ZNF705G: variants seen among roughly 807,000 people sequenced by gnomAD.
ZNF705G encodes the protein putative zinc finger protein 705G.
ZNF705G carries 23 observed loss-of-function variants against 19.6 expected under a neutral mutation model. The observed-to-expected ratio is 1.17, with a 90% confidence interval of 0.84 to 1.66. ZNF705G has a LOEUF of 1.66. Among genes scored for constraint, ZNF705G ranks in the 40% most tolerant of loss-of-function variants. The pLI, the probability that ZNF705G is intolerant of heterozygous loss-of-function variation, is 0.00. For missense variants in ZNF705G, 457 were observed against 354.4 expected (o/e 1.29, Z -2.32); for synonymous variants, 146 against 117.7 (o/e 1.24, Z -1.56).
chr8:7,364,084 C>G (rs1406941853), intron 2 of ZNF705G, among the ~76,000 whole-genome samples: 1 of 149,404 alleles, frequency 6.7e-6, no homozygotes, highest in Admixed American at 6.6e-5. Flanking sequence ...AAAATTCTTG[C>G]AATCATGGTT....
chr8:7,371,324 G>A (rs572265004), intron 2 of ZNF705G, among the ~76,000 whole-genome samples: 2 of 138,494 alleles, frequency 1.4e-5, no homozygotes, highest in African/African-American at 2.8e-5. Context: ...CTGGGGAAAT[G>A]GGTAGATGTG....
chr8:7,359,701 T>G lies in ZNF705G; in HGVS notation c.236A>C (p.Asn79Thr). ...TGTTTTCTTAAGGGCACTTTCCCTG[T>G]CTGAAATAATTGAAAAATAAATTGT... ...GRVFLQDQNP[N>T]RESALKKTHM... Residue 79 changes from asparagine (N) to threonine (T), a missense_variant and splice_region_variant, in exon 6 of 7, where the codon AAC becomes ACC. Physicochemically the swap from Asn to Thr is moderately conservative, Grantham distance 65. Transcript: ENST00000400156. 1 of 1,606,748 alleles carries G rather than the reference T, an allele frequency of 6.2e-7. No homozygotes were observed. The highest frequency in any genetic ancestry group is 8.5e-7 in the Non-Finnish European group (1 of 1,179,212).
intron 2 of ZNF705G, among the ~76,000 whole-genome samples, chr8:7,365,080 G>A (rs1315291118): frequency 2.0e-5 from 3 of 149,442 alleles, no homozygotes; most frequent in Non-Finnish European, 4.4e-5. Flanking sequence ...GACAAAGAAA[G>A]GACAAATATT....
chr8:7,366,271 C>A (rs1302402479), intron 2 of ZNF705G, among the ~76,000 whole-genome samples: 1 of 149,074 alleles, frequency 6.7e-6, no homozygotes, highest in Non-Finnish European at 1.5e-5. Context: ...ATATTCAAAG[C>A]AGTTCAGGAA....
intron 2 of ZNF705G, among the ~76,000 whole-genome samples, chr8:7,381,108 G>T (rs1807479198): frequency 7.9e-6 from 1 of 127,196 alleles, no homozygotes; most frequent in Non-Finnish European, 1.5e-5. Context: ...AGCATTATTT[G>T]TTATTAGTAT....
chr8:7,361,091 T>G lies in ZNF705G; in HGVS notation c.139+19A>C. On this transcript the variant is annotated intron_variant, in intron 4 of 6. Transcript: ENST00000400156. ...GTGAATGTGTCTCTACATATGTACA[T>G]GAATGTTCAGGGACTCACCGAGGGA... 1.3e-6 allele frequency: 2 copies of G among 1,592,802 alleles called. No homozygotes were observed. Among genetic ancestry groups the G allele is most frequent in the South Asian group, 2.2e-5 (2 of 90,698 alleles).
chr8:7,382,192 G>A (rs1563304018), intron 1 of ZNF705G, among the ~76,000 whole-genome samples: 1 of 150,482 alleles, frequency 6.6e-6, no homozygotes, highest in Non-Finnish European at 1.5e-5. Context: ...AAAAGAAGAA[G>A]AACAACAACA....
chr8:7,359,461 A>G (rs1411253402), intron 6 of ZNF705G, among the ~76,000 whole-genome samples, 158 bp downstream of exon 6: 2 of 148,030 alleles, frequency 1.4e-5, no homozygotes, highest in African/African-American at 5.3e-5. Flanking sequence ...ACACAGGTCA[A>G]TGTATTCACT....
At position 7,367,444 on chromosome 8, in the gene ZNF705G, G is replaced by C. The variant is rs570119215; in HGVS notation, c.-71-4427C>G. Reference sequence around the variant, plus strand: ...GGCGTGCATGTTAAGAGACAAAAATGGCAAAGCATAATCTTCCGGGGGCAC... The same window carrying C: ...GGCGTGCATGTTAAGAGACAAAAATCGCAAAGCATAATCTTCCGGGGGCAC... On this transcript the variant is annotated intron_variant, in intron 2 of 6. Transcript: ENST00000400156. Among the ~76,000 whole-genome samples, 3 of 149,632 alleles carry C rather than the reference G, an allele frequency of 2.0e-5. No homozygotes were observed. In the East Asian group the frequency reaches 5.8e-4, roughly 29 times the overall value.
At chr8:7,379,884 C>T (rs1275720932) in intron 2 of ZNF705G, among the ~76,000 whole-genome samples, 3 of 145,624 alleles carry the variant, frequency 2.1e-5, no homozygotes, top group Non-Finnish European at 2.9e-5. Flanking sequence ...GAGAGCCCAG[C>T]CCCCAAAAGA....
chr8:7,368,134 A>G (rs2128840836), intron 2 of ZNF705G, among the ~76,000 whole-genome samples: 1 of 149,616 alleles, frequency 6.7e-6, no homozygotes, highest in South Asian at 2.1e-4. Context: ...ACTACATTCC[A>G]AGAGACATGC....
At chr8:7,361,389 G>T (rs1435678858) in intron 3 of ZNF705G, among the ~76,000 whole-genome samples, 153 bp from the exon 4 acceptor site, 1 of 149,628 alleles carries the variant, frequency 6.7e-6, no homozygotes, top group Non-Finnish European at 1.5e-5. Context: ...GCTGGTATCT[G>T]CCTTTCAGAT....
chr8:7,384,806 C>T lies in ZNF705G; in HGVS notation c.-222+692G>A, dbSNP rs1246549315. Among the ~76,000 whole-genome samples the T allele has an allele frequency of 2.1e-5, 3 of 145,622 alleles. 1 individual carries two copies. Among genetic ancestry groups the T allele is most frequent in the African/African-American group, 8.5e-5 (3 of 35,242 alleles). ...AATTTAATAAAATAATATAGAAACT[C>T]CTCTGTCACTCCAGTAAGAATGAAC... On this transcript the variant is annotated intron_variant, in intron 1 of 6. Transcript: ENST00000400156.
chr8:7,367,829 G>C (rs1214872990), intron 2 of ZNF705G, among the ~76,000 whole-genome samples: 1 of 149,846 alleles, frequency 6.7e-6, no homozygotes, highest in African/African-American at 2.6e-5. Flanking sequence ...AAGGACTGAA[G>C]TTGCTTATGG....
At position 7,361,179 on chromosome 8, in the gene ZNF705G, T is replaced by A; in HGVS notation, c.70A>T (p.Met24Leu). 6.3e-7 allele frequency: 1 copy of A among 1,593,176 alleles called. No individual in the cohort carries two copies. Among genetic ancestry groups the A allele is most frequent in the Non-Finnish European group, 8.5e-7 (1 of 1,179,454 alleles). ...IDFTQEEWAM[M>L]DTSKRKLYRD... ...TACAGCTTTCTCTTGGATGTGTCCA[T>A]CATGGCCCACTCTTCCTGGGTGAAG... The change falls in exon 4 of 7, where the codon ATG (methionine) becomes TTG (leucine). Residue 24 changes from methionine (M) to leucine (L), a missense_variant. Met to Leu is a conservative substitution (Grantham distance 15). Coordinates refer to ENST00000400156, the MANE Select transcript of ZNF705G (RefSeq NM_001164457.3).
intron 2 of ZNF705G, among the ~76,000 whole-genome samples, chr8:7,366,135 A>C (rs112781007): frequency 1.3e-5 from 2 of 148,256 alleles, no homozygotes; most frequent in East Asian, 3.8e-4. Context: ...ACGAATATAT[A>C]TCAGATTACA....
rs1383078588 is a variant in ZNF705G at position 7,382,711 on chromosome 8, AT to A, written c.-221-1111del. Among the ~76,000 whole-genome samples, 10 of 146,656 alleles carry A rather than the reference AT, an allele frequency of 6.8e-5. 1 individual carries two copies. Among genetic ancestry groups the A allele is most frequent in the Non-Finnish European group, 1.2e-4 (8 of 67,992 alleles). ...ACATCTATGGATTAAATTAACCAAC[AT>A]TTAATACCACTGACATTACCTTATT... On this transcript the variant is annotated intron_variant, in intron 1 of 6. Coordinates refer to ENST00000400156, the MANE Select transcript of ZNF705G (RefSeq NM_001164457.3).
chr8:7,383,188 A>G (rs1186455038), intron 1 of ZNF705G, among the ~76,000 whole-genome samples: 36 of 142,270 alleles, frequency 2.5e-4, no homozygotes, highest in Non-Finnish European at 4.6e-4. Flanking sequence ...GGCTCTTACC[A>G]TGTCAAACTT....
chr8:7,359,037 G>T (rs564499769), intron 6 of ZNF705G, among the ~76,000 whole-genome samples: 1 of 149,500 alleles, frequency 6.7e-6, no homozygotes, highest in Non-Finnish European at 1.5e-5. Flanking sequence ...ATTTGTTTAT[G>T]TCATCTTATG....
Sources: gnomAD v4.1 joint callset for allele counts (sites outside exome capture counted in the v4.1 genomes callset) on GRCh38, gnomAD v4.1.1 for gene constraint, MANE v1.5 for transcripts, NCBI Gene and HGNC (gene_info 2026-07-23, HGNC 2026-07-21) for gene names.